GLIS3: variants seen among roughly 807,000 people sequenced by gnomAD.
The protein encoded by GLIS3 is GLIS family zinc finger 3.
A neutral mutation model predicts 78.6 loss-of-function variants in GLIS3; 53 were observed. The ratio of observed to expected loss-of-function variants is 0.67; its 90% CI spans 0.54 to 0.85. The LOEUF (loss-of-function observed/expected upper bound fraction) is 0.85. Ranked by LOEUF, GLIS3 falls within the 40% of genes least tolerant of loss-of-function variation. The pLI, the probability that GLIS3 is intolerant of heterozygous loss-of-function variation, is 0.00. For synonymous variants in GLIS3, 684 were observed against 509.9 expected (o/e 1.34, Z -4.60); for missense variants, 1,703 against 1,231.1 (o/e 1.38, Z -5.74).
the GLIS3 span, among the ~76,000 whole-genome samples, chr9:4,441,505 G>C: frequency 2.0e-5 from 3 of 152,154 alleles, no homozygotes; most frequent in East Asian, 5.8e-4. Context: ...ACTTGAAGAT[G>C]GTAAATAATC....
intron 4 of GLIS3, among the ~76,000 whole-genome samples, chr9:4,014,752 A>G (rs544277134): frequency 6.6e-6 from 1 of 152,212 alleles, no homozygotes; most frequent in Non-Finnish European, 1.5e-5. Context: ...GGAAACTAGT[A>G]CAGAAATCAC....
intron 4 of GLIS3, among the ~76,000 whole-genome samples, chr9:4,110,123 T>G (rs1564062490): frequency 6.6e-6 from 1 of 152,220 alleles, no homozygotes; most frequent in Non-Finnish European, 1.5e-5. Flanking sequence ...TTGCACTCAG[T>G]GATCAAACGA....
At chr9:3,894,126 G>T (rs1822654452) in intron 7 of GLIS3, among the ~76,000 whole-genome samples, 1 of 152,180 alleles carries the variant, frequency 6.6e-6, no homozygotes, top group Non-Finnish European at 1.5e-5. Flanking sequence ...ACCTCCTTCT[G>T]ACCAATTCCA....
intron 4 of GLIS3, among the ~76,000 whole-genome samples, chr9:4,029,586 T>C (rs1823644797): frequency 1.3e-5 from 2 of 151,854 alleles, no homozygotes; most frequent in Non-Finnish European, 2.9e-5. Context: ...TCCCTGCCTG[T>C]CCCCCTCCCA....
intron 4 of GLIS3, among the ~76,000 whole-genome samples, chr9:4,050,157 A>C (rs1453763198): frequency 6.6e-6 from 1 of 151,074 alleles, no homozygotes; most frequent in Non-Finnish European, 1.5e-5. Flanking sequence ...ACGTATGTTT[A>C]TTGCGGCCTA....
chr9:4,264,352 C>G (rs183857338), intron 2 of GLIS3, among the ~76,000 whole-genome samples: 1 of 152,328 alleles, frequency 6.6e-6, no homozygotes, highest in Admixed American at 6.5e-5. Context: ...CTCCCCAGGG[C>G]TACTACAATA....
At chr9:3,958,985 T>C (rs1039371798) in intron 4 of GLIS3, among the ~76,000 whole-genome samples, 1 of 152,224 alleles carries the variant, frequency 6.6e-6, no homozygotes, top group African/African-American at 2.4e-5. Context: ...TAGGAAAGCC[T>C]TGGGCTCTAT....
chr9:3,961,087 G>A (rs927715177), intron 4 of GLIS3, among the ~76,000 whole-genome samples: 1 of 152,146 alleles, frequency 6.6e-6, no homozygotes, highest in African/African-American at 2.4e-5. Context: ...CATTAAGCTT[G>A]TCAAAACTAA....
chr9:4,035,556 T>G (rs1410727381), intron 4 of GLIS3, among the ~76,000 whole-genome samples: 1 of 152,028 alleles, frequency 6.6e-6, no homozygotes, highest in Non-Finnish European at 1.5e-5. Flanking sequence ...GTGGCCTAGT[T>G]GAGGCTCTAG....
intron 2 of GLIS3, among the ~76,000 whole-genome samples, chr9:4,246,255 A>T (rs952782616): frequency 6.6e-6 from 1 of 152,170 alleles, no homozygotes; most frequent in African/African-American, 2.4e-5. Context: ...AATTAAACAC[A>T]ATTTTAAATA....
At chr9:4,119,877 A>G (rs1428619167) in intron 3 of GLIS3, among the ~76,000 whole-genome samples, 1 of 152,200 alleles carries the variant, frequency 6.6e-6, no homozygotes, top group Non-Finnish European at 1.5e-5. Flanking sequence ...TCACTTCTTG[A>G]TCTTTTGGCT....
the GLIS3 span, among the ~76,000 whole-genome samples, chr9:4,417,532 T>C: frequency 6.6e-5 from 10 of 152,338 alleles, 1 homozygote; most frequent in East Asian, 1.9e-4. Context: ...TTGGTAGATA[T>C]ATAGTTTGTT....
the GLIS3 span, among the ~76,000 whole-genome samples, chr9:4,437,856 C>T: frequency 2.6e-4 from 40 of 152,084 alleles, no homozygotes; most frequent in Non-Finnish European, 3.8e-4. Context: ...TTACGATTTT[C>T]TTAATAATAT....
chr9:4,307,498 T>A (rs1817257371), intron 4 of GLIS3, among the ~76,000 whole-genome samples: 1 of 152,108 alleles, frequency 6.6e-6, no homozygotes, highest in South Asian at 2.1e-4. Flanking sequence ...TCTGTGAGGC[T>A]TTCTCTGATA....
intron 1 of GLIS3, among the ~76,000 whole-genome samples, chr9:4,291,489 T>A (rs917286445): frequency 2.0e-5 from 3 of 152,146 alleles, no homozygotes; most frequent in African/African-American, 4.8e-5. Context: ...AAATAATCTT[T>A]CCTAAGTTTA....
At chr9:4,337,175 G>A (rs368310048) in intron 2 of GLIS3, among the ~76,000 whole-genome samples, 1 of 152,202 alleles carries the variant, frequency 6.6e-6, no homozygotes, top group Non-Finnish European at 1.5e-5. Context: ...ATCATTAAAA[G>A]TGCAAATCAT....
intron 7 of GLIS3, among the ~76,000 whole-genome samples, chr9:3,882,813 G>A (rs571183571): frequency 1.4e-4 from 21 of 152,290 alleles, no homozygotes; most frequent in African/African-American, 4.8e-4. Flanking sequence ...TATCTAGGGT[G>A]GAGGAAATCA....
At chr9:4,368,567 G>A in the GLIS3 span, among the ~76,000 whole-genome samples, 14 of 152,164 alleles carry the variant, frequency 9.2e-5, no homozygotes, top group Non-Finnish European at 2.1e-4. Flanking sequence ...TAGCCAGGAT[G>A]GTCTCCATCT....
intron 4 of GLIS3, among the ~76,000 whole-genome samples, chr9:3,981,547 G>A (rs1435966690): frequency 6.6e-6 from 1 of 152,124 alleles, no homozygotes. Context: ...CTCTGATGCA[G>A]CCAGTCCTAG....
Sources: allele counts gnomAD v4.1 joint callset (sites outside exome capture counted in the v4.1 genomes callset), GRCh38; gene constraint gnomAD v4.1.1; transcripts MANE v1.5; gene names NCBI Gene and HGNC (gene_info 2026-07-23, HGNC 2026-07-21).